Variants in CWC27 observed in about 807,000 individuals in gnomAD.
CWC27 encodes the protein spliceosome-associated protein CWC27 homolog.
Under a neutral mutation model 63.6 loss-of-function variants are expected in CWC27, and 47 were observed. The observed-to-expected ratio is 0.74, with a 90% CI of 0.58 to 0.94. CWC27 has a LOEUF of 0.94. CWC27 is among the 40% of genes least tolerant of loss of function. CWC27 has a pLI of 0.00. For missense variants in CWC27, 495 were observed against 554.3 expected (o/e 0.89, Z 1.07); for synonymous variants, 175 against 179.8 (o/e 0.97, Z 0.22).
chr5:65,004,862 A>ATG (rs1491392391), intron 13 of CWC27, among the ~76,000 whole-genome samples: 4 of 5,298 alleles, frequency 7.6e-4, no homozygotes, highest in Non-Finnish European at 1.1e-3. Flanking sequence ...AGACTTTTTC[A>ATG]TATATATATA....
At chr5:64,882,441 A>T (rs547842628) in intron 10 of CWC27, among the ~76,000 whole-genome samples, 7 of 152,354 alleles carry the variant, frequency 4.6e-5, no homozygotes, top group African/African-American at 1.7e-4. Context: ...GAGATTTGCT[A>T]TAAGTGTAAA....
intron 11 of CWC27, among the ~76,000 whole-genome samples, chr5:64,951,203 A>G (rs997462342): frequency 6.6e-6 from 1 of 151,888 alleles, no homozygotes; most frequent in Non-Finnish European, 1.5e-5. Flanking sequence ...AATGTAGAAG[A>G]GTTCTAGTTG....
chr5:65,011,290 G>C (rs943075619), intron 13 of CWC27, among the ~76,000 whole-genome samples: 1 of 152,330 alleles, frequency 6.6e-6, no homozygotes, highest in Admixed American at 6.5e-5. Context: ...GGAGACAGCA[G>C]TTACACTGTA....
intron 11 of CWC27, among the ~76,000 whole-genome samples, chr5:64,887,462 G>T (rs543064988): frequency 6.6e-6 from 1 of 152,230 alleles, no homozygotes; most frequent in East Asian, 1.9e-4. Flanking sequence ...CCGCCTTCGG[G>T]TTCAAGTGAT....
intron 9 of CWC27, 103 bp from the exon 10 acceptor site, chr5:64,804,126 C>A: frequency 9.6e-6 from 9 of 940,886 alleles, no homozygotes; most frequent in South Asian, 8.1e-5. Context: ...AAAAAAAAAA[C>A]CTAGTTTAGA....
At chr5:64,923,523 G>T (rs1056283708) in intron 11 of CWC27, among the ~76,000 whole-genome samples, 1 of 149,090 alleles carries the variant, frequency 6.7e-6, no homozygotes, top group African/African-American at 2.5e-5. Flanking sequence ...AACCTCTCTC[G>T]GTGCATCTGT....
intron 10 of CWC27, among the ~76,000 whole-genome samples, chr5:64,816,331 C>T (rs1489880811): frequency 6.6e-6 from 1 of 152,150 alleles, no homozygotes; most frequent in Non-Finnish European, 1.5e-5. Flanking sequence ...ATCCTTCCTT[C>T]CCTCTTACCA....
chr5:64,982,098 C>T (rs1749339545), intron 13 of CWC27, among the ~76,000 whole-genome samples: 1 of 152,112 alleles, frequency 6.6e-6, no homozygotes, highest in Admixed American at 6.6e-5. Flanking sequence ...GCAACAACTA[C>T]CAGCTGTCTG....
At chr5:64,840,546 C>G (rs1222661873) in intron 10 of CWC27, among the ~76,000 whole-genome samples, 1 of 150,576 alleles carries the variant, frequency 6.6e-6, no homozygotes, top group Non-Finnish European at 1.5e-5. Context: ...TTCTATGAGG[C>G]AGGTTTTTTT....
At chr5:65,005,371 A>G (rs991282541) in intron 13 of CWC27, among the ~76,000 whole-genome samples, 7 of 152,136 alleles carry the variant, frequency 4.6e-5, no homozygotes, top group African/African-American at 1.7e-4. Context: ...GCTCATGCAC[A>G]TACACCTGTG....
chr5:64,937,051 C>G (rs1445785849), intron 11 of CWC27, among the ~76,000 whole-genome samples: 1 of 152,064 alleles, frequency 6.6e-6, no homozygotes, highest in East Asian at 1.9e-4. Flanking sequence ...AAATCCAGCT[C>G]CTGGATTCAT....
chr5:64,906,374 A>C (rs529961689), intron 11 of CWC27, among the ~76,000 whole-genome samples: 2 of 152,178 alleles, frequency 1.3e-5, no homozygotes, highest in Non-Finnish European at 2.9e-5. Context: ...AACTGCTGTG[A>C]GATGGTATCT....
intron 11 of CWC27, among the ~76,000 whole-genome samples, chr5:64,941,832 G>C (rs1748488367): frequency 6.6e-6 from 1 of 151,972 alleles, no homozygotes; most frequent in Non-Finnish European, 1.5e-5. Context: ...TTCATTACTT[G>C]CTCCAATTTG....
At chr5:64,861,959 T>G (rs1037271270) in intron 10 of CWC27, among the ~76,000 whole-genome samples, 2 of 152,254 alleles carry the variant, frequency 1.3e-5, no homozygotes, top group Non-Finnish European at 2.9e-5. Context: ...CATGTATTTA[T>G]CCTGTGCATC....
chr5:64,900,002 T>C (rs1431066046), intron 11 of CWC27, among the ~76,000 whole-genome samples: 1 of 152,230 alleles, frequency 6.6e-6, no homozygotes, highest in Non-Finnish European at 1.5e-5. Flanking sequence ...TTTGTTCCTT[T>C]TATTGCTAAG....
intron 12 of CWC27, among the ~76,000 whole-genome samples, chr5:64,974,523 G>A (rs1248937447): frequency 2.3e-4 from 35 of 152,122 alleles, no homozygotes; most frequent in Non-Finnish European, 1.0e-4. Flanking sequence ...GTAAAGACCA[G>A]CCCCCATGAT....
intron 11 of CWC27, among the ~76,000 whole-genome samples, chr5:64,927,487 C>G (rs1748141595): frequency 6.6e-6 from 1 of 152,178 alleles, no homozygotes. Context: ...CTTTACTCTT[C>G]TCTACCACCA....
At chr5:64,809,652 C>CTA (rs1373553453) in intron 10 of CWC27, among the ~76,000 whole-genome samples, 1 of 152,228 alleles carries the variant, frequency 6.6e-6, no homozygotes, top group Non-Finnish European at 1.5e-5. Context: ...TAGGCGTGAG[C>CTA]TACTGTGCCA....
chr5:64,916,549 C>T (rs2112384976), intron 11 of CWC27, among the ~76,000 whole-genome samples: 1 of 152,256 alleles, frequency 6.6e-6, no homozygotes, highest in Middle Eastern at 3.4e-3. Context: ...AACCACAGAG[C>T]CTTCAGTGCA....
Sources: allele counts gnomAD v4.1 joint callset (sites outside exome capture counted in the v4.1 genomes callset), GRCh38; gene constraint gnomAD v4.1.1; transcripts MANE v1.5; gene names NCBI Gene and HGNC (gene_info 2026-07-23, HGNC 2026-07-21).